Variants in TMTC1 observed in about 807,000 individuals in gnomAD.
TMTC1 encodes transmembrane O-mannosyltransferase targeting cadherins 1, also known as protein O-mannosyl-transferase TMTC1.
In TMTC1, 73 loss-of-function variants were observed where a neutral mutation model predicts 104.8. The ratio of observed to expected loss-of-function variants is 0.70; its 90% CI spans 0.58 to 0.85. The LOEUF (loss-of-function observed/expected upper bound fraction) is 0.85. TMTC1 is among the 40% of genes least tolerant of loss of function. TMTC1 has a pLI of 0.00. For synonymous variants in TMTC1, 434 were observed against 428.7 expected (o/e 1.01, Z -0.15); for missense variants, 1,035 against 1,096.1 (o/e 0.94, Z 0.79).
At chr12:29,769,639 G>C (rs777706993) in intron 1 of TMTC1, among the ~76,000 whole-genome samples, 25 of 152,164 alleles carry the variant, frequency 1.6e-4, no homozygotes, top group Non-Finnish European at 3.2e-4. Flanking sequence ...TTCCCTAAGA[G>C]TCCACCCCTC....
intron 5 of TMTC1, among the ~76,000 whole-genome samples, chr12:29,748,536 C>T (rs932066273): frequency 6.6e-6 from 1 of 152,220 alleles, no homozygotes; most frequent in Non-Finnish European, 1.5e-5. Context: ...CCAATCCTGA[C>T]CCTACCACTT....
chr12:29,783,175 G>A lies in TMTC1; in HGVS notation c.302+275C>T. 5.5e-6 allele frequency: 2 copies of A among 365,628 alleles called. No individual in the cohort carries two copies. Among genetic ancestry groups the A allele is most frequent in the Non-Finnish European group, 9.7e-6 (2 of 205,594 alleles). 22.6% of individuals were successfully genotyped at this position (365,628 alleles called of 1,614,324 possible). A position where few individuals can be genotyped will look rare whatever the true frequency, so the allele number is the denominator to read the frequency against. On this transcript the variant is annotated intron_variant, in intron 1 of 17. Coordinates refer to ENST00000539277, the MANE Select transcript of TMTC1 (RefSeq NM_001193451.2). The surrounding 1 kb of genome is among the most constrained non-coding windows in gnomAD (Gnocchi z 4.7). The stretch of plus-strand genomic sequence containing the variant: ...GTTTCACCAGCCCGCTCCCAGCCCT[G>A]CCTCGAGAGAGAAGCCCGCTGAGAG...
At chr12:29,690,348 G>A (rs1206655363) in intron 5 of TMTC1, among the ~76,000 whole-genome samples, 2 of 152,188 alleles carry the variant, frequency 1.3e-5, no homozygotes, top group Non-Finnish European at 2.9e-5. Flanking sequence ...CCAAGCACTA[G>A]GCAATATGTG....
chr12:29,564,207 A>G (rs1383816967), intron 9 of TMTC1, among the ~76,000 whole-genome samples: 1 of 152,238 alleles, frequency 6.6e-6, no homozygotes, highest in Non-Finnish European at 1.5e-5. Context: ...TTTGAGGTGC[A>G]GAGGGCAATT....
At chr12:29,674,402 C>A (rs952915241) in intron 5 of TMTC1, among the ~76,000 whole-genome samples, 49 of 144,668 alleles carry the variant, frequency 3.4e-4, no homozygotes, top group African/African-American at 1.3e-3. Context: ...TATGGCCTAT[C>A]CTTCAAGACC....
At position 29,506,007 on chromosome 12, in the gene TMTC1, T is replaced by G. The variant is rs1441114599; in HGVS notation, c.*839A>C. The G allele has an allele frequency of 6.6e-6, 1 of 152,168 alleles. No homozygotes were observed. The highest frequency in any genetic ancestry group is 2.4e-5 in the African/African-American group (1 of 41,454). 9.4% of individuals were successfully genotyped at this position (152,168 alleles called of 1,614,324 possible). On this transcript the variant is annotated 3_prime_UTR_variant, in exon 18 of 18. Coordinates refer to ENST00000539277, the MANE Select transcript of TMTC1 (RefSeq NM_001193451.2). ...CTTAGTTAATATCTTTAATTTTTTA[T>G]GTAGAATATACTATTTTTTTCTCCA...
intron 1 of TMTC1, among the ~76,000 whole-genome samples, chr12:29,778,211 A>G (rs1209749772): frequency 6.6e-6 from 1 of 152,226 alleles, no homozygotes; most frequent in Non-Finnish European, 1.5e-5. Flanking sequence ...GGCTAAACAC[A>G]CAGAGAAAGA....
intron 8 of TMTC1, among the ~76,000 whole-genome samples, chr12:29,575,927 C>T (rs1052304964): frequency 1.3e-5 from 2 of 152,182 alleles, no homozygotes; most frequent in Non-Finnish European, 1.5e-5. Flanking sequence ...GTGTTTATGA[C>T]AATAGCCGTC....
At chr12:29,705,879 A>G (rs2136817784) in intron 5 of TMTC1, among the ~76,000 whole-genome samples, 1 of 152,208 alleles carries the variant, frequency 6.6e-6, no homozygotes, top group East Asian at 1.9e-4. Flanking sequence ...ATGAGCCCCA[A>G]ATATCATGTG....
chr12:29,574,896 G>A (rs931322455), intron 8 of TMTC1, among the ~76,000 whole-genome samples: 1 of 152,182 alleles, frequency 6.6e-6, no homozygotes, highest in African/African-American at 2.4e-5. Flanking sequence ...TAATCATGAG[G>A]GAGGGCCAGC....
At chr12:29,754,756 C>T (rs890379292) in intron 4 of TMTC1, among the ~76,000 whole-genome samples, 1 of 152,142 alleles carries the variant, frequency 6.6e-6, no homozygotes, top group Non-Finnish European at 1.5e-5. Context: ...CAGAGCACTA[C>T]ACTCTTTTTA....
chr12:29,674,660 A>G (rs565580411), intron 5 of TMTC1, among the ~76,000 whole-genome samples: 1 of 152,254 alleles, frequency 6.6e-6, no homozygotes, highest in Non-Finnish European at 1.5e-5. Flanking sequence ...GGAGGGAGGG[A>G]GGTGGCCTGT....
chr12:29,777,656 C>G (rs1943742942), intron 1 of TMTC1, among the ~76,000 whole-genome samples: 1 of 152,146 alleles, frequency 6.6e-6, no homozygotes, highest in Non-Finnish European at 1.5e-5. Context: ...CAACCTCCAC[C>G]TCTTGGAGCT....
At chr12:29,739,715 GT>G (rs202200729) in intron 5 of TMTC1, among the ~76,000 whole-genome samples, 1 of 150,410 alleles carries the variant, frequency 6.6e-6, no homozygotes, top group Non-Finnish European at 1.5e-5. Context: ...AATCTTTTTT[GT>G]TTTTTTTTCC....
chr12:29,728,328 G>A (rs1942456182), intron 5 of TMTC1, among the ~76,000 whole-genome samples: 1 of 152,114 alleles, frequency 6.6e-6, no homozygotes, highest in African/African-American at 2.4e-5. Flanking sequence ...AACGTGGGGA[G>A]GAGGAGGCCA....
chr12:29,771,921 T>C (rs1943603058), intron 1 of TMTC1, among the ~76,000 whole-genome samples: 1 of 152,172 alleles, frequency 6.6e-6, no homozygotes, highest in African/African-American at 2.4e-5. Flanking sequence ...TATGGCTACA[T>C]CCACAGTGTC....
intron 5 of TMTC1, among the ~76,000 whole-genome samples, chr12:29,663,805 C>T (rs1437973787): frequency 6.6e-6 from 1 of 151,584 alleles, no homozygotes; most frequent in Non-Finnish European, 1.5e-5. Context: ...GCGTGAGCCA[C>T]CACACCCAGC....
At position 29,505,666 on chromosome 12, in the gene TMTC1, A is replaced by G. The variant is rs945241088; in HGVS notation, c.*1180T>C. The G allele has an allele frequency of 2.0e-5, 3 of 151,998 alleles. No individual in the cohort carries two copies. Among genetic ancestry groups the G allele is most frequent in the Admixed American group, 6.6e-5 (1 of 15,262 alleles). The allele number at this position is 151,998 out of a possible 1,614,324, so 9.4% of individuals were successfully genotyped here. On this transcript the variant is annotated 3_prime_UTR_variant, in exon 18 of 18. Transcript: ENST00000539277. ...AAAATAAATGTCAAATTGTGAGTTCAACTTTGCCTTTCCTATTTCTTAAAT... is the reference window on the plus strand; with the variant it reads ...AAAATAAATGTCAAATTGTGAGTTCGACTTTGCCTTTCCTATTTCTTAAAT...
At chr12:29,770,465 C>A (rs1480658712) in intron 1 of TMTC1, among the ~76,000 whole-genome samples, 1 of 152,096 alleles carries the variant, frequency 6.6e-6, no homozygotes, top group Non-Finnish European at 1.5e-5. Context: ...TAATAACAGG[C>A]CCTAATGCAC....
Sources: allele counts gnomAD v4.1 joint callset (sites outside exome capture counted in the v4.1 genomes callset), GRCh38; gene constraint gnomAD v4.1.1; non-coding constraint Gnocchi (gnomAD v3.1); transcripts MANE v1.5; gene names NCBI Gene and HGNC (gene_info 2026-07-23, HGNC 2026-07-21).